SMARCAL1: variants seen among roughly 807,000 people sequenced by gnomAD.
SMARCAL1 encodes the protein ATP-driven annealing helicase.
In SMARCAL1, 58 loss-of-function variants were observed where a neutral mutation model predicts 94.5. The observed-to-expected ratio is 0.61, with a 90% CI of 0.50 to 0.76. SMARCAL1 has a LOEUF of 0.76. SMARCAL1 is among the 30% of genes least tolerant of loss of function. The pLI, the probability that SMARCAL1 is intolerant of heterozygous loss-of-function variation, is 0.00. For synonymous variants in SMARCAL1, 422 were observed against 455.1 expected (o/e 0.93, Z 0.93); for missense variants, 1,051 against 1,177.9 (o/e 0.89, Z 1.58).
At chr2:216,450,160 T>C (rs1304677398) in intron 11 of SMARCAL1, among the ~76,000 whole-genome samples, 1 of 152,148 alleles carries the variant, frequency 6.6e-6, no homozygotes, top group Non-Finnish European at 1.5e-5. Context: ...AGTAATGGCT[T>C]CTCTAGCTGT....
intron 6 of SMARCAL1, 149 bp from the exon 7 acceptor site, chr2:216,428,447 G>T (rs1046922568): frequency 7.3e-5 from 55 of 749,348 alleles, no homozygotes; most frequent in Admixed American, 3.6e-4. Flanking sequence ...TGGGTTAATG[G>T]TCCTGACTAG....
At chr2:216,423,770 T>C in intron 6 of SMARCAL1, 87 bp downstream of exon 6, 1 of 1,205,064 alleles carries the variant, frequency 8.3e-7, no homozygotes, top group South Asian at 1.2e-5. Context: ...TTGAAGAATC[T>C]TCTCCTCCCT....
chr2:216,443,105 G>A (rs1321957034), intron 10 of SMARCAL1, among the ~76,000 whole-genome samples: 2 of 152,062 alleles, frequency 1.3e-5, no homozygotes, highest in African/African-American at 2.4e-5. Context: ...TAGGCCGGGC[G>A]CAGTGGCTCA....
At position 216,464,661 on chromosome 2, in the gene SMARCAL1, C is replaced by T; in HGVS notation, c.2135C>T (p.Ser712Phe). The T allele has an allele frequency of 6.2e-7, 1 of 1,607,132 alleles. No individual in the cohort carries two copies. The highest frequency in any genetic ancestry group is 1.3e-5 in the African/African-American group (1 of 74,448). The stretch of plus-strand genomic sequence containing the variant: ...AGAACAGCTGAAGCTAAAATCCCAT[C>T]TGTCATGTAAGTGGTCACTAAGTGT... ...FNRTAEAKIP[S>F]VIEYILDLLE... The change falls in exon 13 of 18, where the codon TCT (serine) becomes TTT (phenylalanine). Residue 712 changes from serine (S) to phenylalanine (F), a missense_variant. Physicochemically the swap from Ser to Phe is radical, Grantham distance 155. Around this residue, in one of 3 missense-constraint regions of SMARCAL1, gnomAD observed 642 missense variants for 754.7 expected, o/e 0.85. Coordinates refer to ENST00000357276, the MANE Select transcript of SMARCAL1 (RefSeq NM_014140.4).
intron 12 of SMARCAL1, among the ~76,000 whole-genome samples, chr2:216,462,945 G>A (rs775276669): frequency 2.0e-5 from 3 of 152,096 alleles, no homozygotes; most frequent in Admixed American, 6.6e-5. Context: ...AGCCATGATC[G>A]AGTCCAGCCT....
In SMARCAL1 at chr2:216,445,551, C is replaced by A. The variant is rs545859000; in HGVS notation, c.1711-1467C>A. ...CTCCATCCCCAGGCCAGCACAGTGA[C>A]ATGAAGAATAGGTTTGGGGTGATGG... is the stretch of plus-strand genomic sequence containing the variant. On this transcript the variant is annotated intron_variant, in intron 10 of 17. Coordinates refer to ENST00000357276, the MANE Select transcript of SMARCAL1 (RefSeq NM_014140.4). Among the ~76,000 whole-genome samples the A allele has an allele frequency of 1.5e-3, 226 of 152,258 alleles. 1 individual carries two copies. Among genetic ancestry groups the A allele is most frequent in the African/African-American group, 5.4e-3 (223 of 41,520 alleles).
Position 216,414,951 on chromosome 2 carries a change from G to T in SMARCAL1, c.247G>T (p.Asp83Tyr). 3 of 1,614,162 alleles carry T rather than the reference G, an allele frequency of 1.9e-6. No homozygotes were observed. Among genetic ancestry groups the T allele is most frequent in the Non-Finnish European group, 2.5e-6 (3 of 1,180,046 alleles). ...QQNLSSSSNADQRPHDSHSFQ... is the reference protein window; with the variant it reads ...QQNLSSSSNAYQRPHDSHSFQ... ...GAATCTCAGTAGCTCATCTAATGCT[G>T]ACCAAAGACCTCATGATTCCCACAG... The change falls in exon 3 of 18, where the codon GAC (aspartate) becomes TAC (tyrosine). Residue 83 changes from aspartate to tyrosine, a missense_variant. Physicochemically the swap from Asp to Tyr is radical, Grantham distance 160 (BLOSUM62 -3). Coordinates refer to ENST00000357276, the MANE Select transcript of SMARCAL1 (RefSeq NM_014140.4).
rs1472205158 is a variant in SMARCAL1 at position 216,482,196 on chromosome 2, T to TA, written c.2626-540dup. ...CTGGGCACATGGTGGCTCACACCTG[T>TA]AATCCCAACATTTTGGGTAGCTGAG... On this transcript the variant is annotated intron_variant, in intron 17 of 17. Transcript: ENST00000357276. This position sits in a 1 kb window ranked among gnomAD's most constrained non-coding sequence, Gnocchi z 4.3. 6.6e-6 allele frequency among the ~76,000 whole-genome samples: 1 copy of TA among 152,212 alleles called. No homozygotes were observed. Among genetic ancestry groups the TA allele is most frequent in the Non-Finnish European group, 1.5e-5 (1 of 68,030 alleles).
At chr2:216,416,717 T>C (rs76594562) in intron 4 of SMARCAL1, among the ~76,000 whole-genome samples, 6,914 of 152,302 alleles carry the variant, frequency 0.045, 207 homozygotes, top group African/African-American at 0.082. Flanking sequence ...CACCAGACTA[T>C]GCTGGCCCCA....
Position 216,415,190 on chromosome 2 carries a change from A to G in SMARCAL1, c.486A>G (p.Pro162=), listed in dbSNP as rs778973735. Residue 162 remains proline (P), a synonymous_variant, in exon 3 of 18, where the codon CCA becomes CCG. Transcript: ENST00000357276. ...TCAGGTTCACACCCTTTGCTAACCCAACTCATAAGCCTCTGGCCAAACCAA... is the reference window on the plus strand; with the variant it reads ...TCAGGTTCACACCCTTTGCTAACCCGACTCATAAGCCTCTGGCCAAACCAA... ...PEIRFTPFAN[P]THKPLAKPKS... The G allele has an allele frequency of 6.2e-7, 1 of 1,613,812 alleles. No individual in the cohort carries two copies. Among genetic ancestry groups the G allele is most frequent in the Non-Finnish European group, 8.5e-7 (1 of 1,179,846 alleles).
At chr2:216,444,737 G>A (rs139111473) in intron 10 of SMARCAL1, among the ~76,000 whole-genome samples, 2,306 of 152,256 alleles carry the variant, frequency 0.015, 58 homozygotes, top group African/African-American at 0.053. Context: ...GGTTGGTCTC[G>A]AACTCCTGAC....
chr2:216,456,018 G>C (rs1694558732), intron 12 of SMARCAL1, among the ~76,000 whole-genome samples: 1 of 152,230 alleles, frequency 6.6e-6, no homozygotes, highest in Admixed American at 6.5e-5. Context: ...ACCTGATGGA[G>C]CTTAAAACCA....
At chr2:216,443,469 A>G (rs1250914115) in intron 10 of SMARCAL1, among the ~76,000 whole-genome samples, 1 of 152,014 alleles carries the variant, frequency 6.6e-6, no homozygotes, top group African/African-American at 2.4e-5. Flanking sequence ...TTTTGGTCCA[A>G]TATACATGCA....
intron 14 of SMARCAL1, among the ~76,000 whole-genome samples, chr2:216,469,427 G>A (rs945363720): frequency 1.3e-5 from 2 of 151,664 alleles, no homozygotes; most frequent in African/African-American, 4.8e-5. Context: ...GACTACAGGT[G>A]CCCGCCACCA....
At chr2:216,468,280 A>G (rs1694877872) in intron 14 of SMARCAL1, among the ~76,000 whole-genome samples, 1 of 152,228 alleles carries the variant, frequency 6.6e-6, no homozygotes, top group Admixed American at 6.5e-5. Context: ...GTCTTGCTTT[A>G]GGAACATCTC....
At chr2:216,420,053 A>G (rs1693682460) in intron 4 of SMARCAL1, among the ~76,000 whole-genome samples, 1 of 151,430 alleles carries the variant, frequency 6.6e-6, no homozygotes, top group Non-Finnish European at 1.5e-5. Context: ...AAAAAGAAAA[A>G]AAAAAAAGAA....
intron 7 of SMARCAL1, among the ~76,000 whole-genome samples, chr2:216,429,752 C>T (rs1034946466): frequency 2.6e-5 from 4 of 152,090 alleles, no homozygotes; most frequent in South Asian, 4.1e-4. Flanking sequence ...ATTTGGGTCT[C>T]GGTGTGCCGT....
chr2:216,464,244 T>C (rs1293131642), intron 12 of SMARCAL1, among the ~76,000 whole-genome samples: 1 of 152,094 alleles, frequency 6.6e-6, no homozygotes, highest in Non-Finnish European at 1.5e-5. Context: ...AGTAAATAGG[T>C]ATGCTTAGCC....
chr2:216,483,040 ATTTTG>A lies in SMARCAL1; in HGVS notation c.*68_*72del. 1 of 1,594,072 alleles carries A rather than the reference ATTTTG, an allele frequency of 6.3e-7. No individual in the cohort carries two copies. Among genetic ancestry groups the A allele is most frequent in the Non-Finnish European group, 8.5e-7 (1 of 1,170,502 alleles). On this transcript the variant is annotated 3_prime_UTR_variant, in exon 18 of 18. Transcript: ENST00000357276. ...TCATGGAATTGAAATAAAATAATGT[ATTTTG>A]TTTTAAAACTTTTTGAGCTTCTCTT... is the stretch of plus-strand genomic sequence containing the variant.
Sources: allele counts gnomAD v4.1 joint callset (sites outside exome capture counted in the v4.1 genomes callset), GRCh38; gene constraint gnomAD v4.1.1; regional missense constraint gnomAD v4.1.1; non-coding constraint Gnocchi (gnomAD v3.1); transcripts MANE v1.5; gene names NCBI Gene and HGNC (gene_info 2026-07-23, HGNC 2026-07-21).